The following OLFML2A variants were observed in gnomAD, a reference collection of about 807,000 sequenced individuals.
The protein encoded by OLFML2A is olfactomedin like 2A, also known as olfactomedin-like protein 2A.
OLFML2A carries 47 observed loss-of-function variants against 60.9 expected under a neutral mutation model. That is an observed-to-expected ratio of 0.77 (90% CI 0.61 to 0.98). The LOEUF (loss-of-function observed/expected upper bound fraction) is 0.98, where lower values mean the gene tolerates loss of function less well. Among genes scored for constraint, OLFML2A ranks in the 50% least tolerant of loss-of-function variants. The pLI, the probability that OLFML2A is intolerant of heterozygous loss-of-function variation, is 0.00. For missense variants in OLFML2A, 922 were observed against 879.8 expected (o/e 1.05, Z -0.61); for synonymous variants, 372 against 375.0 (o/e 0.99, Z 0.09).
rs1588892923 is a variant in OLFML2A, at chr9:124,810,549, G to A, written c.*137G>A. On this transcript the variant is annotated 3_prime_UTR_variant, in exon 8 of 8. Coordinates refer to ENST00000373580, the MANE Select transcript of OLFML2A (RefSeq NM_182487.4). ...GGACTGGGCATGAGGTGGTCACCAG[G>A]ATTGAGCTTCCTCAGCACCCAGTGG... 1 of 860,808 alleles carries A rather than the reference G, an allele frequency of 1.2e-6. No individual in the cohort carries two copies. The highest frequency in any genetic ancestry group is 1.8e-5 in the South Asian group (1 of 56,040). The allele number at this position is 860,808 out of a possible 1,614,324, so 53.3% of individuals were successfully genotyped here. A position where few individuals can be genotyped will look rare whatever the true frequency, so the allele number is the denominator to read the frequency against.
At chr9:124,783,935 G>T (rs1381984491) in intron 1 of OLFML2A, among the ~76,000 whole-genome samples, 1 of 152,226 alleles carries the variant, frequency 6.6e-6, no homozygotes, top group Non-Finnish European at 1.5e-5. Context: ...GTCAGGGAAG[G>T]CTTCTCAGAG....
At chr9:124,795,188 A>T in intron 3 of OLFML2A, 57 bp downstream of exon 3, 1 of 1,140,692 alleles carries the variant, frequency 8.8e-7, no homozygotes, top group Non-Finnish European at 1.3e-6. Flanking sequence ...GGCCAAGGGC[A>T]CTGTCCGAAG....
chr9:124,808,051 T>C, intron 7 of OLFML2A, 85 bp downstream of exon 7: 3 of 1,050,990 alleles, frequency 2.9e-6, no homozygotes, highest in South Asian at 1.4e-5. Flanking sequence ...TTCCTTGCCT[T>C]GTGGGTTTCT....
At chr9:124,803,485 G>A (rs1841822311) in intron 5 of OLFML2A, among the ~76,000 whole-genome samples, 1 of 151,756 alleles carries the variant, frequency 6.6e-6, no homozygotes, top group Admixed American at 6.6e-5. Context: ...GGCTGGTCTT[G>A]AACTCCTGGG....
chr9:124,804,363 T>G, intron 6 of OLFML2A, 21 bp downstream of exon 6: 1 of 1,520,746 alleles, frequency 6.6e-7, no homozygotes, highest in Non-Finnish European at 8.8e-7. Context: ...CTCACAGGAG[T>G]CAGCACACTG....
intron 3 of OLFML2A, among the ~76,000 whole-genome samples, chr9:124,796,161 G>C (rs934049124): frequency 2.0e-5 from 3 of 152,268 alleles, no homozygotes; most frequent in Admixed American, 2.0e-4. Context: ...GTGCCCCAGA[G>C]TAGGAGATTA....
At chr9:124,806,781 T>C (rs1841903073) in intron 6 of OLFML2A, among the ~76,000 whole-genome samples, 1 of 151,322 alleles carries the variant, frequency 6.6e-6, no homozygotes. Flanking sequence ...AGCTAATTTT[T>C]TTATTTTTAG....
intron 2 of OLFML2A, among the ~76,000 whole-genome samples, chr9:124,794,614 T>C (rs566261995): frequency 6.6e-6 from 1 of 152,224 alleles, no homozygotes; most frequent in East Asian, 1.9e-4. Context: ...TTTTTAATTT[T>C]AATTATTATT....
rs767416695 is a variant in OLFML2A, at chr9:124,807,820, A to T, written c.1208A>T (p.Asp403Val). The change falls in exon 7 of 8, where the codon GAC becomes GTC. Residue 403 changes from aspartate to valine, a missense_variant. Coordinates refer to ENST00000373580, the MANE Select transcript of OLFML2A (RefSeq NM_182487.4). ...ASCEGTLRAV[D>V]PPVRHHSYGR... is the part of the protein sequence containing the mutation. Reference sequence around the variant, plus strand: ...TGTGAGGGCACCCTCCGGGCTGTGGACCCCCCTGTGAGGCACCACAGCTAT... The same window carrying T: ...TGTGAGGGCACCCTCCGGGCTGTGGTCCCCCCTGTGAGGCACCACAGCTAT... 1 of 1,613,056 alleles carries T rather than the reference A, an allele frequency of 6.2e-7. No homozygotes were observed. Among genetic ancestry groups the T allele is most frequent in the South Asian group, 1.1e-5 (1 of 91,024 alleles).
chr9:124,788,781 A>G (rs1002389525), intron 2 of OLFML2A, among the ~76,000 whole-genome samples: 2 of 152,110 alleles, frequency 1.3e-5, no homozygotes, highest in Admixed American at 1.3e-4. Context: ...CCTTCATGCC[A>G]TTTGTACCAT....
At chr9:124,782,498 G>A (rs1210074528) in intron 1 of OLFML2A, among the ~76,000 whole-genome samples, 1 of 152,232 alleles carries the variant, frequency 6.6e-6, no homozygotes, top group East Asian at 1.9e-4. Flanking sequence ...CAAAGGGACT[G>A]TGATTCTTCC....
intron 2 of OLFML2A, among the ~76,000 whole-genome samples, chr9:124,791,526 C>G (rs571270016): frequency 6.6e-6 from 1 of 152,076 alleles, no homozygotes; most frequent in South Asian, 2.1e-4. Context: ...CACCTGAGGT[C>G]AGGAGTTCAA....
At chr9:124,786,749 GACAC>G (rs3138850) in intron 1 of OLFML2A, among the ~76,000 whole-genome samples, 51,324 of 129,518 alleles carry the variant, frequency 0.4, 11,013 homozygotes, top group Admixed American at 0.48. Flanking sequence ...CAGAGACGTA[GACAC>G]ACACACACAC....
At chr9:124,796,082 G>A (rs576498667) in intron 3 of OLFML2A, among the ~76,000 whole-genome samples, 2 of 152,346 alleles carry the variant, frequency 1.3e-5, no homozygotes, top group East Asian at 3.9e-4. Flanking sequence ...ACATACAGCT[G>A]CCAGGAGCGG....
At chr9:124,807,183 C>T (rs1433298787) in intron 6 of OLFML2A, among the ~76,000 whole-genome samples, 1 of 152,028 alleles carries the variant, frequency 6.6e-6, no homozygotes, top group Non-Finnish European at 1.5e-5. Flanking sequence ...CTCAGCCTCC[C>T]AAATTGCTGG....
chr9:124,801,519 G>A lies in OLFML2A; in HGVS notation c.775G>A (p.Val259Met), dbSNP rs1042309437. 1.1e-5 allele frequency: 18 copies of A among 1,614,036 alleles called. No individual in the cohort carries two copies. Among genetic ancestry groups the A allele is most frequent in the Non-Finnish European group, 1.4e-5 (17 of 1,180,048 alleles). ...ACCTCCCAAGGAGAAGCTGCTTCAG[G>A]TGGAGAAGCTGAGAAAGGAGAGCGG... The part of the protein sequence containing the change: ...PKPPKEKLLQ[V>M]EKLRKESGKG... The change falls in exon 5 of 8, where the codon GTG becomes ATG. Residue 259 changes from valine to methionine, a missense_variant. Transcript: ENST00000373580.
intron 2 of OLFML2A, among the ~76,000 whole-genome samples, chr9:124,792,527 G>C (rs1841587365): frequency 6.6e-6 from 1 of 152,214 alleles, no homozygotes; most frequent in African/African-American, 2.4e-5. Context: ...GTGCCTGGCT[G>C]AGTAAGCATG....
chr9:124,782,561 G>C (rs1471390658), intron 1 of OLFML2A, among the ~76,000 whole-genome samples: 2 of 152,206 alleles, frequency 1.3e-5, no homozygotes, highest in African/African-American at 4.8e-5. Context: ...CAAGCAGGGA[G>C]GAGGTATGGG....
At chr9:124,796,934 A>C (rs1225708227) in intron 3 of OLFML2A, among the ~76,000 whole-genome samples, 4 of 152,224 alleles carry the variant, frequency 2.6e-5, no homozygotes, top group African/African-American at 9.7e-5. Flanking sequence ...GGCAAATGTC[A>C]ATAGTGATGA....
Sources: gnomAD v4.1 joint callset for allele counts (sites outside exome capture counted in the v4.1 genomes callset) on GRCh38, gnomAD v4.1.1 for gene constraint, MANE v1.5 for transcripts, NCBI Gene and HGNC (gene_info 2026-07-23, HGNC 2026-07-21) for gene names.